Variants in HMBOX1 observed in about 807,000 individuals in gnomAD.
HMBOX1 encodes the protein homeobox containing 1.
A neutral mutation model predicts 54.5 loss-of-function variants in HMBOX1; 14 were observed. That is an observed-to-expected ratio of 0.26 (90% CI 0.17 to 0.40). HMBOX1 has a LOEUF of 0.40. Ranked by LOEUF, HMBOX1 falls within the 10% of genes least tolerant of loss-of-function variation. The pLI is 1.00. For synonymous variants in HMBOX1, 160 were observed against 181.0 expected (o/e 0.88, Z 0.93); for missense variants, 332 against 514.4 (o/e 0.65, Z 3.43).
At chr8:28,908,611 C>T (rs183649900) in intron 1 of HMBOX1, among the ~76,000 whole-genome samples, 7 of 152,074 alleles carry the variant, frequency 4.6e-5, no homozygotes, top group South Asian at 4.2e-4. Context: ...AAAAATTAGC[C>T]GGGCATGGTG....
intron 1 of HMBOX1, among the ~76,000 whole-genome samples, chr8:28,900,269 AAAAT>A (rs1310155023): frequency 1.4e-5 from 1 of 69,174 alleles, no homozygotes; most frequent in Non-Finnish European, 2.9e-5. Context: ...AAAAAAAAAA[AAAAT>A]ATATATATAT....
At chr8:28,894,611 T>G (rs569681863) in intron 1 of HMBOX1, among the ~76,000 whole-genome samples, 1 of 152,352 alleles carries the variant, frequency 6.6e-6, no homozygotes, top group Non-Finnish European at 1.5e-5. Flanking sequence ...TTGCCCTTAC[T>G]GGATTTAGGG....
In HMBOX1 at chr8:28,903,106, TACAC is replaced by T. The variant is rs151039437; in HGVS notation, c.-58+12442_-58+12445del. ...ACCAGTGGACATTTAAGCTTTCTTT[TACAC>T]ACACACACACACATACATTTAAGCT... On this transcript the variant is annotated intron_variant, in intron 1 of 9. Transcript: ENST00000287701. 6.9e-4 allele frequency among the ~76,000 whole-genome samples: 105 copies of T among 151,428 alleles called. 4 individuals carry two copies. In the East Asian group the frequency reaches 0.017, roughly 25 times the overall value.
chr8:29,027,131 C>T (rs1436125217), intron 6 of HMBOX1, among the ~76,000 whole-genome samples: 3 of 152,118 alleles, frequency 2.0e-5, no homozygotes, highest in African/African-American at 7.2e-5. Flanking sequence ...CTAACCTAGG[C>T]TTACCTTAAG....
At chr8:28,969,894 C>T in intron 2 of HMBOX1, 149 bp from the exon 3 acceptor site, 2 of 616,386 alleles carry the variant, frequency 3.2e-6, no homozygotes, top group Admixed American at 2.9e-5. Flanking sequence ...ATCCATTTGC[C>T]ATGGCACAAT....
intron 4 of HMBOX1, among the ~76,000 whole-genome samples, chr8:29,000,126 A>G (rs1015511332): frequency 2.6e-5 from 4 of 152,226 alleles, no homozygotes; most frequent in South Asian, 2.1e-4. Context: ...CTGCTGAACT[A>G]TCTTCCTTGT....
At chr8:28,994,905 CAGGGGGGATTTTTGCCCAT>C (rs1358027182) in intron 4 of HMBOX1, among the ~76,000 whole-genome samples, 1 of 152,080 alleles carries the variant, frequency 6.6e-6, no homozygotes, top group Admixed American at 6.6e-5. Context: ...TGCAAGAGAT[CAGGGGGGATTTTTGCCCAT>C]TAAATCAGCA....
At chr8:28,993,072 G>A (rs1240465660) in intron 4 of HMBOX1, among the ~76,000 whole-genome samples, 5 of 151,024 alleles carry the variant, frequency 3.3e-5, no homozygotes, top group Non-Finnish European at 7.4e-5. Context: ...ACTTGGAAAT[G>A]ATTCCATATT....
chr8:28,942,344 T>A (rs1348625492), intron 1 of HMBOX1, among the ~76,000 whole-genome samples: 1 of 152,240 alleles, frequency 6.6e-6, no homozygotes, highest in African/African-American at 2.4e-5. Context: ...TTCTAGTAGT[T>A]ACTTAATTTC....
intron 1 of HMBOX1, among the ~76,000 whole-genome samples, chr8:28,892,494 A>G (rs1382668752): frequency 6.6e-6 from 1 of 152,220 alleles, no homozygotes; most frequent in African/African-American, 2.4e-5. Flanking sequence ...AGAAATTGGC[A>G]TAATTTCTAT....
At chr8:28,958,851 AACATCTATTGAT>A (rs1824953032) in intron 1 of HMBOX1, among the ~76,000 whole-genome samples, 1 of 152,196 alleles carries the variant, frequency 6.6e-6, no homozygotes, top group South Asian at 2.1e-4. Context: ...ATGCCTTTTC[AACATCTATTGAT>A]ATAATCATGT....
intron 2 of HMBOX1, among the ~76,000 whole-genome samples, chr8:28,964,194 G>A (rs1362002909): frequency 6.6e-6 from 1 of 151,780 alleles, no homozygotes; most frequent in Non-Finnish European, 1.5e-5. Context: ...TTAAAGCTTA[G>A]AAGCATCCAA....
intron 1 of HMBOX1, among the ~76,000 whole-genome samples, chr8:28,949,406 T>G (rs1336066362): frequency 1.3e-5 from 2 of 152,252 alleles, no homozygotes; most frequent in Admixed American, 6.5e-5. Flanking sequence ...TCTTTCATCC[T>G]GAGAACACAT....
intron 5 of HMBOX1, among the ~76,000 whole-genome samples, chr8:29,017,260 C>G (rs1835174896): frequency 6.6e-6 from 1 of 152,178 alleles, no homozygotes; most frequent in Admixed American, 6.5e-5. Context: ...TATATGGCCT[C>G]TGGTTTCCCC....
intron 6 of HMBOX1, among the ~76,000 whole-genome samples, chr8:29,032,067 A>C (rs1648070036): frequency 1.3e-5 from 2 of 152,364 alleles, no homozygotes; most frequent in South Asian, 4.1e-4. Context: ...AGTAGGTTGC[A>C]GCCAGATTGG....
intron 6 of HMBOX1, among the ~76,000 whole-genome samples, chr8:29,035,260 G>A (rs1190867974): frequency 6.6e-6 from 1 of 152,076 alleles, no homozygotes; most frequent in East Asian, 1.9e-4. Context: ...AAAAACAATG[G>A]ATTGATCCTT....
rs1452287537 is a variant in HMBOX1, at chr8:29,018,829, C to G, written c.767C>G (p.Pro256Arg). The G allele has an allele frequency of 6.2e-7, 1 of 1,614,130 alleles. No individual in the cohort carries two copies. The highest frequency in any genetic ancestry group is 8.5e-7 in the Non-Finnish European group (1 of 1,179,944). ...EDPEWRQTPP[P>R]VSATSGTFRL... Reference sequence around the variant, plus strand: ...CCTGAATGGAGACAAACGCCTCCCCCAGTCTCTGCCACATCTGGTACTTTC... The same window carrying G: ...CCTGAATGGAGACAAACGCCTCCCCGAGTCTCTGCCACATCTGGTACTTTC... Residue 256 changes from proline to arginine, a missense_variant, in exon 6 of 10, where the codon CCA (proline) becomes CGA (arginine). Coordinates refer to ENST00000287701, the MANE Select transcript of HMBOX1 (RefSeq NM_001135726.3).
chr8:28,952,687 A>G (rs1276090332), intron 1 of HMBOX1, among the ~76,000 whole-genome samples: 1 of 152,230 alleles, frequency 6.6e-6, no homozygotes, highest in African/African-American at 2.4e-5. Context: ...TATAAAAGGA[A>G]GATCTTTATC....
At chr8:29,000,863 T>C (rs930561847) in intron 4 of HMBOX1, among the ~76,000 whole-genome samples, 2 of 152,224 alleles carry the variant, frequency 1.3e-5, no homozygotes, top group African/African-American at 4.8e-5. Flanking sequence ...CAAGTTAAAA[T>C]GTCACATGCT....
Sources: allele counts gnomAD v4.1 joint callset (sites outside exome capture counted in the v4.1 genomes callset), GRCh38; gene constraint gnomAD v4.1.1; transcripts MANE v1.5; gene names NCBI Gene and HGNC (gene_info 2026-07-23, HGNC 2026-07-21).